Variants in RAB3C observed in about 807,000 individuals in gnomAD.
RAB3C encodes the protein ras-related protein Rab-3C.
RAB3C carries 17 observed loss-of-function variants against 26.4 expected under a neutral mutation model. The ratio of observed to expected loss-of-function variants is 0.64; its 90% CI spans 0.44 to 0.97. RAB3C has a LOEUF of 0.97. Ranked by LOEUF, RAB3C falls within the 50% of genes least tolerant of loss-of-function variation. The pLI is 0.00. For missense variants in RAB3C, 242 were observed against 281.9 expected, an observed-to-expected ratio of 0.86 and a Z score of 1.01; for synonymous variants, 91 against 95.9, an observed-to-expected ratio of 0.95 and a Z score of 0.30.
chr5:58,727,382 T>C (rs1387572179), intron 3 of RAB3C, among the ~76,000 whole-genome samples: 1 of 152,028 alleles, frequency 6.6e-6, no homozygotes, highest in Non-Finnish European at 1.5e-5. Context: ...TTAAGATGTA[T>C]ATGAAAACAT....
chr5:58,792,234 T>C (rs1201796800), intron 3 of RAB3C, among the ~76,000 whole-genome samples: 2 of 152,244 alleles, frequency 1.3e-5, no homozygotes, highest in African/African-American at 4.8e-5. Flanking sequence ...AGTGTTTACT[T>C]TGGAAATATA....
chr5:58,593,594 T>G (rs1746183479), intron 1 of RAB3C, among the ~76,000 whole-genome samples: 1 of 152,208 alleles, frequency 6.6e-6, no homozygotes, highest in Admixed American at 6.5e-5. Flanking sequence ...TTTTTGAAAT[T>G]TTAACAAGGT....
intron 4 of RAB3C, among the ~76,000 whole-genome samples, chr5:58,838,065 A>G (rs1207115366): frequency 2.0e-5 from 3 of 151,828 alleles, no homozygotes; most frequent in Non-Finnish European, 4.4e-5. Flanking sequence ...TGATTTGCCA[A>G]TTTTGCTTAT....
chr5:58,596,550 T>A (rs62367849), intron 1 of RAB3C, among the ~76,000 whole-genome samples: 1,762 of 126,204 alleles, frequency 0.014, 20 homozygotes, highest in Non-Finnish European at 0.021. Context: ...TAATACTATA[T>A]AATACATATA....
chr5:58,790,104 A>G (rs928398051), intron 3 of RAB3C, among the ~76,000 whole-genome samples: 12 of 152,226 alleles, frequency 7.9e-5, no homozygotes, highest in Non-Finnish European at 1.5e-4. Flanking sequence ...ACTCTTAGCT[A>G]TCTCTGCTTT....
chr5:58,666,310 A>G (rs1747999976), intron 2 of RAB3C, among the ~76,000 whole-genome samples: 1 of 152,150 alleles, frequency 6.6e-6, no homozygotes, highest in Non-Finnish European at 1.5e-5. Flanking sequence ...GACCAAAAAT[A>G]TGTAAAGTAT....
At chr5:58,839,793 T>C (rs1303396094) in intron 4 of RAB3C, among the ~76,000 whole-genome samples, 2 of 152,208 alleles carry the variant, frequency 1.3e-5, no homozygotes, top group African/African-American at 4.8e-5. Context: ...TGAACACTTC[T>C]TGTAAGGCCA....
At chr5:58,728,123 C>T (rs1011776797) in intron 3 of RAB3C, among the ~76,000 whole-genome samples, 2 of 152,080 alleles carry the variant, frequency 1.3e-5, no homozygotes, top group Admixed American at 1.3e-4. Flanking sequence ...AGAAACAAAC[C>T]CTTACCTACT....
Position 58,839,349 on chromosome 5 carries a change from TTTTA to T in RAB3C, c.497-11783_497-11780del, listed in dbSNP as rs59909509. Among the ~76,000 whole-genome samples the T allele has an allele frequency of 8.4e-3, 831 of 98,846 alleles. 12 individuals carry two copies. The highest frequency in any genetic ancestry group is 0.021 in the African/African-American group (724 of 34,296). The allele number at this position is 98,846 out of a possible 152,430, so 64.8% of individuals were successfully genotyped here. On this transcript the variant is annotated intron_variant, in intron 4 of 4. Coordinates refer to ENST00000282878, the MANE Select transcript of RAB3C (RefSeq NM_138453.4). ...CCCTATCTGTAATGATAAGTTTTTA[TTTTA>T]TTTATTTATTTATTTATTTATTTAT...
Position 58,857,425 on chromosome 5 carries a change from A to G in RAB3C, c.*6074A>G, listed in dbSNP as rs970945169. The G allele has an allele frequency of 1.3e-5, 2 of 152,170 alleles. No individual in the cohort carries two copies. The highest frequency in any genetic ancestry group is 3.8e-4 in the East Asian group (2 of 5,196). The allele number at this position is 152,170 out of a possible 1,614,324, so 9.4% of individuals were successfully genotyped here. Reference sequence around the variant, plus strand: ...ATAAAAGCATCTCCTTCTATAACTCAAAATTTTCTTTAAGTGTCATATAAA... The same window carrying G: ...ATAAAAGCATCTCCTTCTATAACTCGAAATTTTCTTTAAGTGTCATATAAA... On this transcript the variant is annotated 3_prime_UTR_variant, in exon 5 of 5. Coordinates refer to ENST00000282878, the MANE Select transcript of RAB3C (RefSeq NM_138453.4).
At chr5:58,803,672 C>T (rs1044285517) in intron 3 of RAB3C, among the ~76,000 whole-genome samples, 1 of 152,112 alleles carries the variant, frequency 6.6e-6, no homozygotes, top group Non-Finnish European at 1.5e-5. Flanking sequence ...AAGGACCAAT[C>T]CTTGACAGAA....
At chr5:58,768,590 C>T (rs1741958688) in intron 3 of RAB3C, among the ~76,000 whole-genome samples, 1 of 151,982 alleles carries the variant, frequency 6.6e-6, no homozygotes, top group African/African-American at 2.4e-5. Flanking sequence ...GGAAGTGACA[C>T]TTGAGCAGAG....
At chr5:58,745,416 A>G (rs1188431652) in intron 3 of RAB3C, among the ~76,000 whole-genome samples, 5 of 149,294 alleles carry the variant, frequency 3.3e-5, no homozygotes, top group African/African-American at 7.6e-5. Flanking sequence ...AAAAAAAAAA[A>G]AAAGAAAGTA....
intron 3 of RAB3C, among the ~76,000 whole-genome samples, chr5:58,737,968 G>C (rs116617417): frequency 0.025 from 3,841 of 152,202 alleles, 133 homozygotes; most frequent in African/African-American, 0.086. Context: ...AGTTACTGTA[G>C]CACATTCTTT....
At position 58,689,639 on chromosome 5, in the gene RAB3C, C is replaced by A. The variant is rs114884032; in HGVS notation, c.253-36363C>A. On this transcript the variant is annotated intron_variant, in intron 2 of 4. Coordinates refer to ENST00000282878, the MANE Select transcript of RAB3C (RefSeq NM_138453.4). Reference sequence around the variant, plus strand: ...GGTGAAGACAATGAGGCTTGACTATCCATTTGTCTAGTGGGAGAGCAGATC... The same window carrying A: ...GGTGAAGACAATGAGGCTTGACTATACATTTGTCTAGTGGGAGAGCAGATC... Among the ~76,000 whole-genome samples the A allele has an allele frequency of 2.6e-3, 400 of 152,130 alleles. 1 individual carries two copies. Among genetic ancestry groups the A allele is most frequent in the African/African-American group, 8.9e-3 (368 of 41,516 alleles).
intron 2 of RAB3C, among the ~76,000 whole-genome samples, chr5:58,719,699 T>C (rs1179903854): frequency 6.6e-6 from 1 of 151,942 alleles, no homozygotes; most frequent in African/African-American, 2.4e-5. Flanking sequence ...GTCTTATAGA[T>C]TCATCAGGCC....
At chr5:58,706,436 A>G (rs1748944432) in intron 2 of RAB3C, among the ~76,000 whole-genome samples, 2 of 152,332 alleles carry the variant, frequency 1.3e-5, no homozygotes, top group African/African-American at 4.8e-5. Flanking sequence ...ACTTATTGGA[A>G]GAAAAGGTAG....
intron 3 of RAB3C, among the ~76,000 whole-genome samples, chr5:58,751,544 GACTCCTT>G (rs1245792767): frequency 2.0e-5 from 3 of 152,182 alleles, no homozygotes; most frequent in African/African-American, 7.2e-5. Context: ...GAGGGAGATA[GACTCCTT>G]GGCTTTATAA....
intron 2 of RAB3C, among the ~76,000 whole-genome samples, chr5:58,629,043 A>G (rs2111744872): frequency 6.6e-6 from 1 of 151,334 alleles, no homozygotes; most frequent in East Asian, 1.9e-4. Context: ...AAAAAAAAAA[A>G]AAAAAAAAAA....
Sources: allele counts gnomAD v4.1 joint callset (sites outside exome capture counted in the v4.1 genomes callset), GRCh38; gene constraint gnomAD v4.1.1; transcripts MANE v1.5; gene names NCBI Gene and HGNC (gene_info 2026-07-23, HGNC 2026-07-21).